The following XKR7 variants were observed in gnomAD, a reference collection of about 807,000 sequenced individuals.
The protein encoded by XKR7 is XK-related protein 7.
A neutral mutation model predicts 42.2 loss-of-function variants in XKR7; 11 were observed. The observed-to-expected ratio is 0.26, with a 90% CI of 0.16 to 0.43. The LOEUF (loss-of-function observed/expected upper bound fraction) is 0.43, where lower values mean the gene tolerates loss of function less well. Among genes scored for constraint, XKR7 ranks in the 20% least tolerant of loss-of-function variants. The pLI, the probability that XKR7 is intolerant of heterozygous loss-of-function variation, is 1.00. For missense variants in XKR7, 710 were observed against 802.2 expected (o/e 0.89, Z 1.39); for synonymous variants, 346 against 366.4 (o/e 0.94, Z 0.64).
chr20:31,997,198 G>A lies in XKR7; in HGVS notation c.1481G>A (p.Gly494Glu). ...RDGASAGERA[G>E]TPTPPVFQVR... ...GGGGCCTCGGCGGGAGAGCGTGCAG[G>A]GACCCCCACCCCACCTGTCTTCCAG... Residue 494 changes from glycine (G) to glutamate (E), a missense_variant, in exon 3 of 3, where the codon GGG (glycine) becomes GAG (glutamate). Gly to Glu is a moderately conservative substitution (Grantham distance 98, BLOSUM62 -2). Around this residue, in one of 2 missense-constraint regions of XKR7, gnomAD observed 708 missense variants for 786.2 expected, o/e 0.90. Coordinates refer to ENST00000562532, the MANE Select transcript of XKR7 (RefSeq NM_001011718.2). The A allele has an allele frequency of 6.2e-7, 1 of 1,610,080 alleles. No individual in the cohort carries two copies. The highest frequency in any genetic ancestry group is 1.7e-5 in the Admixed American group (1 of 60,016).
rs1192515264 is a variant in XKR7, at chr20:32,002,751, G to C, written c.*5294G>C. 6.6e-6 allele frequency: 1 copy of C among 152,206 alleles called. No homozygotes were observed. The highest frequency in any genetic ancestry group is 6.5e-5 in the Admixed American group (1 of 15,292). The allele number at this position is 152,206 out of a possible 1,614,324, so 9.4% of individuals were successfully genotyped here. ...CTAAGGCCTCAAGTCAACTTCTAGG[G>C]CTTGAAGGTGGGGGAATATATGTAT... On this transcript the variant is annotated 3_prime_UTR_variant, in exon 3 of 3. Transcript: ENST00000562532.
In XKR7 at chr20:31,995,117, C is replaced by T. The variant is rs768883573; in HGVS notation, c.634C>T (p.Arg212Trp). ...LGLQSRWRGERLRRHFYWQML... is the reference protein window; with the variant it reads ...LGLQSRWRGEWLRRHFYWQML... ...GCTGCAGAGCCGCTGGCGCGGGGAG[C>T]GGCTGCGGCGCCACTTCTACTGGCA... Residue 212 changes from arginine to tryptophan, a missense_variant, in exon 2 of 3, where the codon CGG becomes TGG. Coordinates refer to ENST00000562532, the MANE Select transcript of XKR7 (RefSeq NM_001011718.2). The surrounding 1 kb of genome is among the most constrained non-coding windows in gnomAD (Gnocchi z 4.1). 1 of 1,556,834 alleles carries T rather than the reference C, an allele frequency of 6.4e-7. No individual in the cohort carries two copies. Among genetic ancestry groups the T allele is most frequent in the Non-Finnish European group, 8.7e-7 (1 of 1,151,416 alleles).
At chr20:31,983,303 T>G (rs1046439562) in intron 1 of XKR7, among the ~76,000 whole-genome samples, 1 of 151,804 alleles carries the variant, frequency 6.6e-6, no homozygotes, top group Non-Finnish European at 1.5e-5. Context: ...AACAAGTAAA[T>G]GAGATGGTTT....
intron 1 of XKR7, among the ~76,000 whole-genome samples, chr20:31,982,519 CAAAA>C (rs558720693): frequency 3.2e-5 from 2 of 63,092 alleles, no homozygotes; most frequent in Admixed American, 1.8e-4. Context: ...GACTCTGTCT[CAAAA>C]AAAAAAAAAA....
intron 1 of XKR7, among the ~76,000 whole-genome samples, chr20:31,981,785 CCTTT>C (rs2064514318): frequency 6.6e-6 from 1 of 152,302 alleles, no homozygotes; most frequent in East Asian, 1.9e-4. Context: ...TGCTTTCTTC[CCTTT>C]CTTCTCCCTC....
At position 31,995,620 on chromosome 20, in the gene XKR7, C is replaced by G. The variant is rs2064587943; in HGVS notation, c.787+350C>G. Among the ~76,000 whole-genome samples, 1 of 152,024 alleles carries G rather than the reference C, an allele frequency of 6.6e-6. No homozygotes were observed. Among genetic ancestry groups the G allele is most frequent in the Non-Finnish European group, 1.5e-5 (1 of 67,968 alleles). ...ACACCTTAGACCCTCTGGGGAATCC[C>G]CTGCCCACTTCCTTCCCCAACCTGA... On this transcript the variant is annotated intron_variant, in intron 2 of 2. Transcript: ENST00000562532. The surrounding 1 kb of genome is among the most constrained non-coding windows in gnomAD (Gnocchi z 4.1).
intron 1 of XKR7, among the ~76,000 whole-genome samples, chr20:31,983,984 G>A (rs1471958372): frequency 1.3e-5 from 2 of 150,308 alleles, no homozygotes; most frequent in East Asian, 2.0e-4. Flanking sequence ...TAAATAGCGG[G>A]GAGTGGACAG....
intron 1 of XKR7, among the ~76,000 whole-genome samples, chr20:31,975,322 C>G (rs1374774360): frequency 1.3e-5 from 2 of 152,000 alleles, no homozygotes; most frequent in East Asian, 3.9e-4. Flanking sequence ...CTTTGAGGCC[C>G]TTTGCCCCCT....
intron 2 of XKR7, among the ~76,000 whole-genome samples, chr20:31,996,173 C>T (rs2064590288): frequency 6.6e-6 from 1 of 151,848 alleles, no homozygotes; most frequent in South Asian, 2.1e-4. Context: ...TCCCAGAGTC[C>T]CGGACCCTCA....
At chr20:31,984,809 G>A (rs922653926) in intron 1 of XKR7, among the ~76,000 whole-genome samples, 5 of 152,230 alleles carry the variant, frequency 3.3e-5, no homozygotes, top group Non-Finnish European at 5.9e-5. Flanking sequence ...CCCGTGGGAT[G>A]AGACTTGTCC....
chr20:31,974,092 C>T (rs948661077), intron 1 of XKR7, among the ~76,000 whole-genome samples: 3 of 152,208 alleles, frequency 2.0e-5, no homozygotes, highest in East Asian at 1.9e-4. Context: ...ACTCGGGAGG[C>T]GGAGGCAGGA....
Position 31,980,131 on chromosome 20 carries a change from G to GAA in XKR7, c.584+11391_584+11392dup, listed in dbSNP as rs397968046. On this transcript the variant is annotated intron_variant, in intron 1 of 2. Coordinates refer to ENST00000562532, the MANE Select transcript of XKR7 (RefSeq NM_001011718.2). ...CTGGGAAATGTTTGGCTTTAGCCCA[G>GAA]AAAAAAAAAAAAAAAAAAAAGAGGT... is the stretch of plus-strand genomic sequence containing the variant. Among the ~76,000 whole-genome samples the GAA allele has an allele frequency of 5.6e-3, 534 of 95,424 alleles. 6 individuals are homozygous for GAA. The highest frequency in any genetic ancestry group is 0.013 in the African/African-American group (378 of 28,018). The allele number at this position is 95,424 out of a possible 152,430, so 62.6% of individuals were successfully genotyped here.
At chr20:31,980,759 T>A (rs1326070161) in intron 1 of XKR7, among the ~76,000 whole-genome samples, 1 of 152,062 alleles carries the variant, frequency 6.6e-6, no homozygotes, top group Non-Finnish European at 1.5e-5. Flanking sequence ...TGGCTCTCCA[T>A]CACTCTTAAG....
At position 31,997,127 on chromosome 20, in the gene XKR7, G is replaced by T; in HGVS notation, c.1410G>T (p.Thr470=). ...EPCGPPADAI[T]SPPRSLPRTT... ...GTGGCCCACCCGCTGACGCCATCAC[G>T]AGTCCCCCCAGGTCCCTGCCAAGGA... Residue 470 remains threonine (T), a synonymous_variant, in exon 3 of 3, where the codon ACG becomes ACT. Transcript: ENST00000562532. The T allele has an allele frequency of 6.2e-7, 1 of 1,612,550 alleles. No homozygotes were observed. The highest frequency in any genetic ancestry group is 8.5e-7 in the Non-Finnish European group (1 of 1,180,000).
chr20:31,969,202 T>C (rs1285895283), intron 1 of XKR7, among the ~76,000 whole-genome samples: 1 of 152,204 alleles, frequency 6.6e-6, no homozygotes. Flanking sequence ...CAGTTCAGAA[T>C]TGCAGCTCAT....
In XKR7 at chr20:31,995,556, C is replaced by T. The variant is rs2035719665; in HGVS notation, c.787+286C>T. 6.6e-6 allele frequency among the ~76,000 whole-genome samples: 1 copy of T among 152,010 alleles called. No homozygotes were observed. The highest frequency in any genetic ancestry group is 2.1e-4 in the South Asian group (1 of 4,828). ...TGGGCGCTCCTGCCCTCCTCCCTTC[C>T]CCGTTGCCAGAGCCAACCAAACCCC... On this transcript the variant is annotated intron_variant, in intron 2 of 2. Coordinates refer to ENST00000562532, the MANE Select transcript of XKR7 (RefSeq NM_001011718.2). This position sits in a 1 kb window ranked among gnomAD's most constrained non-coding sequence, Gnocchi z 4.1.
intron 2 of XKR7, among the ~76,000 whole-genome samples, chr20:31,996,204 A>C (rs2064590442): frequency 6.7e-6 from 1 of 149,526 alleles, no homozygotes; most frequent in Non-Finnish European, 1.5e-5. Context: ...TCCCACCAAG[A>C]CCCCTGAATC....
intron 1 of XKR7, among the ~76,000 whole-genome samples, 190 bp from the exon 2 acceptor site, chr20:31,994,878 T>A (rs1004241058): frequency 6.6e-6 from 1 of 152,240 alleles, no homozygotes; most frequent in Admixed American, 6.5e-5. Context: ...TCTAAGCTAA[T>A]GAGTCCATTC....
rs2064588859 is a variant in XKR7, at chr20:31,995,816, C to T, written c.787+546C>T. ...GGCCCTGTTAATTTCCCACCTTGCCCCTTCCATAATGACAGAGCCCCTCAA... is the reference window on the plus strand; with the variant it reads ...GGCCCTGTTAATTTCCCACCTTGCCTCTTCCATAATGACAGAGCCCCTCAA... On this transcript the variant is annotated intron_variant, in intron 2 of 2. Transcript: ENST00000562532. The surrounding 1 kb of genome is among the most constrained non-coding windows in gnomAD (Gnocchi z 4.1). Among the ~76,000 whole-genome samples, 1 of 152,020 alleles carries T rather than the reference C, an allele frequency of 6.6e-6. No homozygotes were observed. The highest frequency in any genetic ancestry group is 2.4e-5 in the African/African-American group (1 of 41,360).
Sources: gnomAD v4.1 joint callset for allele counts (sites outside exome capture counted in the v4.1 genomes callset) on GRCh38, gnomAD v4.1.1 for gene constraint, gnomAD v4.1.1 regional missense constraint, Gnocchi (gnomAD v3.1) non-coding constraint, MANE v1.5 for transcripts, NCBI Gene and HGNC (gene_info 2026-07-23, HGNC 2026-07-21) for gene names.